AEBP1: variants seen among roughly 807,000 people sequenced by gnomAD.
AEBP1 encodes adipocyte enhancer-binding protein 1.
AEBP1 carries 69 observed loss-of-function variants against 116.5 expected under a neutral mutation model. The ratio of observed to expected loss-of-function variants is 0.59; its 90% confidence interval spans 0.49 to 0.72. AEBP1 has a LOEUF of 0.72. AEBP1 is among the 30% of genes least tolerant of loss of function. The pLI is 0.00. For synonymous variants in AEBP1, 627 were observed against 627.3 expected (o/e 1.00, Z 0.01); for missense variants, 1,444 against 1,557.5 (o/e 0.93, Z 1.23).
At position 44,111,356 on chromosome 7, in the gene AEBP1, C is replaced by A; in HGVS notation, c.1716+117C>A. The A allele has an allele frequency of 7.1e-7, 1 of 1,406,946 alleles. No homozygotes were observed. Among genetic ancestry groups the A allele is most frequent in the Non-Finnish European group, 9.4e-7 (1 of 1,061,084 alleles). 87.2% of individuals were successfully genotyped at this position (1,406,946 alleles called of 1,614,324 possible). A position where few individuals can be genotyped will look rare whatever the true frequency, so the allele number is the denominator to read the frequency against. On this transcript the variant is annotated intron_variant, in intron 14 of 20. Coordinates refer to ENST00000223357, the MANE Select transcript of AEBP1 (RefSeq NM_001129.5). The surrounding 1 kb of genome is among the most constrained non-coding windows in gnomAD (Gnocchi z 4.7). ...TACTGGTTCCAGGGATGCTGGCTGT[C>A]CCTCACCTTAGGAAGGAGGCCAGTA... is the stretch of plus-strand genomic sequence containing the variant.
Position 44,110,315 on chromosome 7 carries a change from G to C in AEBP1, c.1369G>C (p.Val457Leu), listed in dbSNP as rs758274269. The change falls in exon 11 of 21, where the codon GTC becomes CTC. Residue 457 changes from valine to leucine, a missense_variant. Physicochemically the swap from Val to Leu is conservative, Grantham distance 32 (BLOSUM62 1). Transcript: ENST00000223357. ...DTRRTTRFTG[V>L]ITQGRDSSIH... Reference sequence around the variant, plus strand: ...CAGGAGGACTACCCGGTTCACAGGCGTCATCACCCAGGGCAGAGACTCCAG... The same window carrying C: ...CAGGAGGACTACCCGGTTCACAGGCCTCATCACCCAGGGCAGAGACTCCAG... 5.0e-6 allele frequency: 8 copies of C among 1,613,584 alleles called. No individual in the cohort carries two copies. The highest frequency in any genetic ancestry group is 6.8e-6 in the Non-Finnish European group (8 of 1,180,026).
Position 44,110,225 on chromosome 7 carries a change from G to A in AEBP1, c.1279G>A (p.Asp427Asn), listed in dbSNP as rs373830686. The part of the protein sequence containing the change: ...LNMQTGATED[D>N]YYDGAWCAED... ...TGGACAGACCGGTGCCACTGAGGAC[G>A]ACTACTATGATGGTGCGTGGTGTGC... is the stretch of plus-strand genomic sequence containing the variant. Residue 427 changes from aspartate (D) to asparagine (N), a missense_variant, in exon 11 of 21, where the codon GAC becomes AAC. Transcript: ENST00000223357. The A allele has an allele frequency of 3.0e-5, 49 of 1,613,572 alleles. No individual in the cohort carries two copies. The South Asian group carries it at 4.8e-4, about 16-fold the overall frequency.
In AEBP1 at chr7:44,114,292, C is replaced by A. The variant is rs1170653917; in HGVS notation, c.*31C>A. The A allele has an allele frequency of 9.3e-6, 15 of 1,608,958 alleles. No individual in the cohort carries two copies. The highest frequency in any genetic ancestry group is 1.1e-5 in the South Asian group (1 of 90,932). On this transcript the variant is annotated 3_prime_UTR_variant, in exon 21 of 21. Coordinates refer to ENST00000223357, the MANE Select transcript of AEBP1 (RefSeq NM_001129.5). ...GCGTCCTACCAAGACCCCAGCCCAA[C>A]TCAAGCTACAGCAGCAGCACTTCCC...
Position 44,112,329 on chromosome 7 carries a change from T to C in AEBP1, c.2217+8T>C, listed in dbSNP as rs775447444. On this transcript the variant is annotated splice_region_variant and intron_variant, in intron 17 of 20. Transcript: ENST00000223357. The surrounding 1 kb of genome is among the most constrained non-coding windows in gnomAD (Gnocchi z 6.6). ...CTTTCGCCAGATGCCACGGTGAGGC[T>C]ACAGCCTGGCTGAAAGGGCAGGAGG... is the stretch of plus-strand genomic sequence containing the variant. The C allele has an allele frequency of 3.9e-6, 6 of 1,536,270 alleles. No homozygotes were observed. Among genetic ancestry groups the C allele is most frequent in the South Asian group, 1.3e-5 (1 of 79,362 alleles).
intron 11 of AEBP1, 101 bp downstream of exon 11, chr7:44,110,447 A>G: frequency 6.5e-7 from 1 of 1,536,222 alleles, no homozygotes; most frequent in East Asian, 2.3e-5. Context: ...TCTTTGGCCC[A>G]GCCAAAGAAG....
At position 44,111,845 on chromosome 7, in the gene AEBP1, C is replaced by G. The variant is rs1216844522; in HGVS notation, c.1841-9C>G. ...GACTGAGTGCTCACTGAGGCTCCCG[C>G]CCTTGCAGGGGAGCCCGAGTTCCGC... On this transcript the variant is annotated splice_polypyrimidine_tract_variant and intron_variant, in intron 15 of 20. Transcript: ENST00000223357. The surrounding 1 kb of genome is among the most constrained non-coding windows in gnomAD (Gnocchi z 4.7). 6.2e-7 allele frequency: 1 copy of G among 1,610,846 alleles called. No homozygotes were observed. The highest frequency in any genetic ancestry group is 1.7e-5 in the Admixed American group (1 of 59,750).
At chr7:44,109,483 C>T (rs2096226577) in intron 9 of AEBP1, 142 bp downstream of exon 9, 4 of 1,028,668 alleles carry the variant, frequency 3.9e-6, no homozygotes, top group Non-Finnish European at 5.5e-6. Flanking sequence ...AAGGGAGGGG[C>T]CCCGGGAGCC....
chr7:44,110,426 C>A, intron 11 of AEBP1, 80 bp downstream of exon 11: 1 of 1,590,242 alleles, frequency 6.3e-7, no homozygotes. Context: ...AAGGAGATTC[C>A]AGTGGGCCCT....
Position 44,113,859 on chromosome 7 carries a change from C to T in AEBP1, c.3075C>T (p.His1025=), listed in dbSNP as rs776170317. ...QRRLQQRRLQ[H]RLRLRAQMRL... ...GCCTGCAGCAGCGACGCCTACAACA[C>T]CGCCTGCGGCTTCGGGCACAGATGC... Residue 1025 remains histidine (H), a synonymous_variant, in exon 21 of 21, where the codon CAC becomes CAT. Transcript: ENST00000223357. This position sits in a 1 kb window ranked among gnomAD's most constrained non-coding sequence, Gnocchi z 5.3. The T allele has an allele frequency of 1.2e-6, 2 of 1,613,838 alleles. No homozygotes were observed. Among genetic ancestry groups the T allele is most frequent in the Admixed American group, 1.7e-5 (1 of 60,028 alleles).
rs1248246642 is a variant in AEBP1 at position 44,104,644 on chromosome 7, G to T, written c.-22G>T. 5.6e-6 allele frequency: 8 copies of T among 1,428,358 alleles called. No individual in the cohort carries two copies. Among genetic ancestry groups the T allele is most frequent in the Non-Finnish European group, 7.3e-6 (8 of 1,097,624 alleles). The allele number at this position is 1,428,358 out of a possible 1,614,324, so 88.5% of individuals were successfully genotyped here. On this transcript the variant is annotated 5_prime_UTR_variant, in exon 1 of 21. Coordinates refer to ENST00000223357, the MANE Select transcript of AEBP1 (RefSeq NM_001129.5). The stretch of plus-strand genomic sequence containing the variant: ...CCTGACCCCCCGCGCCCTCCCCGGA[G>T]CCCCCCGCGCGTGCCGCGGCCATGG...
At position 44,108,200 on chromosome 7, in the gene AEBP1, T is replaced by C. The variant is rs2096225171; in HGVS notation, c.940+116T>C. 9.7e-7 allele frequency: 1 copy of C among 1,026,212 alleles called. No individual in the cohort carries two copies. The highest frequency in any genetic ancestry group is 2.1e-5 in the Admixed American group (1 of 47,252). 63.6% of individuals were successfully genotyped at this position (1,026,212 alleles called of 1,614,324 possible). A position where few individuals can be genotyped will look rare whatever the true frequency, so the allele number is the denominator to read the frequency against. On this transcript the variant is annotated intron_variant, in intron 6 of 20. Coordinates refer to ENST00000223357, the MANE Select transcript of AEBP1 (RefSeq NM_001129.5). This position sits in a 1 kb window ranked among gnomAD's most constrained non-coding sequence, Gnocchi z 5.0. ...CACCTTGCAACCCCACCTGTGCCCGTGGTTACCTCGCTGTCCCTGCTGTCC... is the reference window on the plus strand; with the variant it reads ...CACCTTGCAACCCCACCTGTGCCCGCGGTTACCTCGCTGTCCCTGCTGTCC...
At chr7:44,110,685 AG>A in intron 11 of AEBP1, 39 bp from the exon 12 acceptor site, 2 of 1,491,534 alleles carry the variant, frequency 1.3e-6, no homozygotes, top group Non-Finnish European at 1.8e-6. Context: ...AGGGCCTGGG[AG>A]GGGGAAGACC....
In AEBP1 at chr7:44,107,409, C is replaced by T. The variant is rs2096224024; in HGVS notation, c.596-30C>T. The T allele has an allele frequency of 6.2e-7, 1 of 1,611,078 alleles. No homozygotes were observed. Among genetic ancestry groups the T allele is most frequent in the Admixed American group, 1.7e-5 (1 of 60,000 alleles). ...AAGGTGGTCAGAGCAGGCCTCCCGC[C>T]CACCTGCTTCTGGAACTCCTGTGTT... is the stretch of plus-strand genomic sequence containing the variant. On this transcript the variant is annotated intron_variant, in intron 2 of 20. Coordinates refer to ENST00000223357, the MANE Select transcript of AEBP1 (RefSeq NM_001129.5). This position sits in a 1 kb window ranked among gnomAD's most constrained non-coding sequence, Gnocchi z 4.3.
Position 44,113,419 on chromosome 7 carries a change from A to G in AEBP1, c.2809+68A>G, listed in dbSNP as rs2128809413. On this transcript the variant is annotated intron_variant, in intron 20 of 20. Coordinates refer to ENST00000223357, the MANE Select transcript of AEBP1 (RefSeq NM_001129.5). The surrounding 1 kb of genome is among the most constrained non-coding windows in gnomAD (Gnocchi z 5.3). ...ACCCGCCAGAGAGGGTGGGGGCTTG[A>G]GGAACTCAGCGAGCAGGTAGAGTCT... The G allele has an allele frequency of 6.6e-7, 1 of 1,510,264 alleles. No individual in the cohort carries two copies. The highest frequency in any genetic ancestry group is 1.2e-5 in the South Asian group (1 of 83,752). 93.6% of individuals were successfully genotyped at this position (1,510,264 alleles called of 1,614,324 possible).
intron 2 of AEBP1, 110 bp downstream of exon 2, chr7:44,106,997 C>T: frequency 3.7e-6 from 3 of 806,324 alleles, no homozygotes; most frequent in Non-Finnish European, 5.8e-6. Context: ...CCTTCAGCTC[C>T]CCACTGGATG....
In AEBP1 at chr7:44,108,884, T is replaced by C; in HGVS notation, c.941-15T>C. Reference sequence around the variant, plus strand: ...CAGGGTCAGGGCAGCCTCAGCTGGCTCTCCCTCCCCATAGTGGACTATTAC... The same window carrying C: ...CAGGGTCAGGGCAGCCTCAGCTGGCCCTCCCTCCCCATAGTGGACTATTAC... On this transcript the variant is annotated splice_polypyrimidine_tract_variant and intron_variant, in intron 6 of 20. Transcript: ENST00000223357. The surrounding 1 kb of genome is among the most constrained non-coding windows in gnomAD (Gnocchi z 5.0). 1.9e-6 allele frequency: 3 copies of C among 1,564,834 alleles called. No individual in the cohort carries two copies. Among genetic ancestry groups the C allele is most frequent in the Non-Finnish European group, 1.7e-6 (2 of 1,155,468 alleles).
rs2128809384 is a variant in AEBP1, at chr7:44,113,343, T to C, written c.2801T>C (p.Val934Ala). 1 of 1,612,044 alleles carries C rather than the reference T, an allele frequency of 6.2e-7. No homozygotes were observed. The highest frequency in any genetic ancestry group is 2.2e-5 in the East Asian group (1 of 44,748). The change falls in exon 20 of 21, where the codon GTG (valine) becomes GCG (alanine). Residue 934 changes from valine to alanine, a missense_variant. Coordinates refer to ENST00000223357, the MANE Select transcript of AEBP1 (RefSeq NM_001129.5). The surrounding 1 kb of genome is among the most constrained non-coding windows in gnomAD (Gnocchi z 5.3). The stretch of plus-strand genomic sequence containing the variant: ...TCTGTGAGTGGCATTAATCACGGCG[T>C]GAAGACAGGTACCTAGTGTGCACAC... ...TISVSGINHG[V>A]KTASGGDYWR...
At position 44,112,640 on chromosome 7, in the gene AEBP1, G is replaced by C; in HGVS notation, c.2300G>C (p.Arg767Pro). The change falls in exon 18 of 21, where the codon CGG becomes CCG. Residue 767 changes from arginine (R) to proline (P), a missense_variant. Transcript: ENST00000223357. The surrounding 1 kb of genome is among the most constrained non-coding windows in gnomAD (Gnocchi z 6.6). The part of the protein sequence containing the change: ...VLGANLNGGE[R>P]LVSYPYDMAR... Reference sequence around the variant, plus strand: ...GGAGCAAATCTGAACGGCGGCGAGCGGCTAGTATCCTACCCCTACGATATG... The same window carrying C: ...GGAGCAAATCTGAACGGCGGCGAGCCGCTAGTATCCTACCCCTACGATATG... 1 of 1,612,502 alleles carries C rather than the reference G, an allele frequency of 6.2e-7. No individual in the cohort carries two copies. The highest frequency in any genetic ancestry group is 1.1e-5 in the South Asian group (1 of 91,070).
chr7:44,110,624 T>C (rs2096228313), intron 11 of AEBP1, 101 bp from the exon 12 acceptor site: 1 of 1,169,368 alleles, frequency 8.6e-7, no homozygotes, highest in Admixed American at 2.3e-5. Context: ...AGCACCACCC[T>C]GCTAGCTCTT....
Sources: allele counts gnomAD v4.1 joint callset, GRCh38; gene constraint gnomAD v4.1.1; non-coding constraint Gnocchi (gnomAD v3.1); transcripts MANE v1.5; gene names NCBI Gene and HGNC (gene_info 2026-07-23, HGNC 2026-07-21).